The following CAMTA1 variants were observed in gnomAD, a reference collection of about 807,000 sequenced individuals.
CAMTA1 encodes the protein calmodulin binding transcription activator 1.
A neutral mutation model predicts 170.9 loss-of-function variants in CAMTA1; 27 were observed. The observed-to-expected ratio is 0.16, with a 90% CI of 0.12 to 0.22. The LOEUF (loss-of-function observed/expected upper bound fraction) is 0.22, where lower values mean the gene tolerates loss of function less well. Ranked by LOEUF, CAMTA1 falls within the 10% of genes least tolerant of loss-of-function variation. The pLI, the probability that CAMTA1 is intolerant of heterozygous loss-of-function variation, is 1.00. For synonymous variants in CAMTA1, 833 were observed against 891.5 expected (o/e 0.93, Z 1.17); for missense variants, 1,619 against 2,217.2 (o/e 0.73, Z 5.42).
At chr1:7,070,942 A>G (rs2147918187) in intron 3 of CAMTA1, among the ~76,000 whole-genome samples, 1 of 152,292 alleles carries the variant, frequency 6.6e-6, no homozygotes, top group East Asian at 1.9e-4. Flanking sequence ...AGAGGCGCTG[A>G]CTTGGTGTGT....
At chr1:7,638,498 G>A (rs1020847721) in intron 6 of CAMTA1, among the ~76,000 whole-genome samples, 13 of 152,044 alleles carry the variant, frequency 8.6e-5, no homozygotes, top group East Asian at 1.9e-4. Flanking sequence ...AAAATTAGCC[G>A]GGCTGTGGTG....
intron 1 of CAMTA1, among the ~76,000 whole-genome samples, chr1:6,802,571 A>C (rs1403290196): frequency 6.6e-6 from 1 of 152,182 alleles, no homozygotes; most frequent in African/African-American, 2.4e-5. Context: ...ATTGACTCCT[A>C]AAGGAGTGTC....
chr1:7,138,597 T>C (rs1012076955), intron 4 of CAMTA1, among the ~76,000 whole-genome samples: 44 of 152,266 alleles, frequency 2.9e-4, no homozygotes, highest in African/African-American at 1.1e-3. Context: ...GATGATGTTG[T>C]GGGCATCATT....
At chr1:7,129,622 T>A (rs1645131717) in intron 4 of CAMTA1, among the ~76,000 whole-genome samples, 1 of 151,170 alleles carries the variant, frequency 6.6e-6, no homozygotes, top group Non-Finnish European at 1.5e-5. Flanking sequence ...AGTGCTTAAT[T>A]TGTTCATTTA....
At position 6,825,186 on chromosome 1, in the gene CAMTA1, G is replaced by C; in HGVS notation, c.210G>C (p.Glu70Asp). 6.2e-7 allele frequency: 1 copy of C among 1,607,496 alleles called. No homozygotes were observed. The highest frequency in any genetic ancestry group is 8.5e-7 in the Non-Finnish European group (1 of 1,176,916). The change falls in exon 3 of 23, where the codon GAG (glutamate) becomes GAC (aspartate). Residue 70 changes from glutamate to aspartate, a missense_variant. Physicochemically the swap from Glu to Asp is conservative, Grantham distance 45 (BLOSUM62 2). Around this residue, in one of 8 missense-constraint regions of CAMTA1, gnomAD observed 97 missense variants for 225.4 expected, o/e 0.43. Transcript: ENST00000303635. Reference protein sequence around the residue: ...CLPKCSSLPKERHRWNTNEEI... With the variant: ...CLPKCSSLPKDRHRWNTNEEI... ...CGAAATGTTCAAGTTTACCAAAAGA[G>C]AGGCACCGCTGGAACACTAATGAGG...
chr1:6,935,500 C>T lies in CAMTA1; in HGVS notation c.234+110290C>T, dbSNP rs1276131856. ...GTTGGCACACACTTTATTTTAAAGTCAATGTGCTTATCTGGAGAGAAGGCT... is the reference window on the plus strand; with the variant it reads ...GTTGGCACACACTTTATTTTAAAGTTAATGTGCTTATCTGGAGAGAAGGCT... On this transcript the variant is annotated intron_variant, in intron 3 of 22. Transcript: ENST00000303635. 2.6e-5 allele frequency among the ~76,000 whole-genome samples: 4 copies of T among 152,106 alleles called. No individual in the cohort carries two copies. The East Asian group carries it at 7.7e-4, about 29-fold the overall frequency.
chr1:6,834,484 C>T (rs551570934), intron 3 of CAMTA1: 8 of 249,280 alleles, frequency 3.2e-5, no homozygotes, highest in East Asian at 2.1e-4. Flanking sequence ...TCCAGTTATA[C>T]GTCCTCCTGC....
At chr1:7,501,799 A>G (rs1406379407) in intron 6 of CAMTA1, among the ~76,000 whole-genome samples, 1 of 152,018 alleles carries the variant, frequency 6.6e-6, no homozygotes, top group Non-Finnish European at 1.5e-5. Context: ...CACTCCTACT[A>G]AAGCAATAGA....
intron 6 of CAMTA1, among the ~76,000 whole-genome samples, chr1:7,556,349 G>A (rs373170131): frequency 8.5e-5 from 13 of 152,134 alleles, no homozygotes; most frequent in Admixed American, 7.9e-4. Context: ...CCAGCCCTAG[G>A]GGGGCAGTCC....
rs1291583553 is a variant in CAMTA1, at chr1:7,592,083, G to C, written c.511-48317G>C. Among the ~76,000 whole-genome samples, 1 of 152,036 alleles carries C rather than the reference G, an allele frequency of 6.6e-6. No homozygotes were observed. Among genetic ancestry groups the C allele is most frequent in the African/African-American group, 2.4e-5 (1 of 41,408 alleles). ...CTAGCTAATTTTTATATTTTTAGTAGAGATGGGGTTTCATCATGTTGGCCA... is the reference window on the plus strand; with the variant it reads ...CTAGCTAATTTTTATATTTTTAGTACAGATGGGGTTTCATCATGTTGGCCA... On this transcript the variant is annotated intron_variant, in intron 6 of 22. Coordinates refer to ENST00000303635, the MANE Select transcript of CAMTA1 (RefSeq NM_015215.4). The surrounding 1 kb of genome is among the most constrained non-coding windows in gnomAD (Gnocchi z 4.6).
In CAMTA1 at chr1:7,561,120, A is replaced by G. The variant is rs2094951127; in HGVS notation, c.511-79280A>G. Reference sequence around the variant, plus strand: ...TGCTGTCCTTTCTGAACAACGCCCAAGAATCCAGGCATGGCCAGGGGCTGG... The same window carrying G: ...TGCTGTCCTTTCTGAACAACGCCCAGGAATCCAGGCATGGCCAGGGGCTGG... On this transcript the variant is annotated intron_variant, in intron 6 of 22. Coordinates refer to ENST00000303635, the MANE Select transcript of CAMTA1 (RefSeq NM_015215.4). The surrounding 1 kb of genome is among the most constrained non-coding windows in gnomAD (Gnocchi z 5.3). Among the ~76,000 whole-genome samples, 1 of 152,114 alleles carries G rather than the reference A, an allele frequency of 6.6e-6. No homozygotes were observed. The highest frequency in any genetic ancestry group is 1.5e-5 in the Non-Finnish European group (1 of 67,998).
chr1:7,449,699 G>A (rs2092768864), intron 5 of CAMTA1, among the ~76,000 whole-genome samples: 1 of 150,448 alleles, frequency 6.6e-6, no homozygotes, highest in Non-Finnish European at 1.5e-5. Context: ...GAACCTGGGA[G>A]GTGGAGGTTG....
At chr1:7,381,299 C>T (rs1179623726) in intron 5 of CAMTA1, among the ~76,000 whole-genome samples, 1 of 130,494 alleles carries the variant, frequency 7.7e-6, no homozygotes, top group Non-Finnish European at 1.6e-5. Flanking sequence ...TGCTATCCCT[C>T]CCCCCTCCCC....
chr1:7,647,169 C>G (rs2095812878), intron 7 of CAMTA1, among the ~76,000 whole-genome samples: 1 of 152,172 alleles, frequency 6.6e-6, no homozygotes, highest in Non-Finnish European at 1.5e-5. Flanking sequence ...CAGCCTCCCT[C>G]CCTCTGTTCC....
At chr1:7,508,694 A>T (rs1257128418) in intron 6 of CAMTA1, among the ~76,000 whole-genome samples, 1 of 151,528 alleles carries the variant, frequency 6.6e-6, no homozygotes, top group Non-Finnish European at 1.5e-5. Flanking sequence ...AGAGATGAAG[A>T]ATGGAAGGAG....
At chr1:7,417,948 TA>T (rs1230320465) in intron 5 of CAMTA1, among the ~76,000 whole-genome samples, 3 of 152,160 alleles carry the variant, frequency 2.0e-5, no homozygotes, top group Non-Finnish European at 4.4e-5. Context: ...GCCATGATTT[TA>T]AAAAGCAAGT....
chr1:7,077,754 G>A (rs376009193), intron 3 of CAMTA1, among the ~76,000 whole-genome samples: 5 of 152,098 alleles, frequency 3.3e-5, no homozygotes, highest in African/African-American at 1.2e-4. Flanking sequence ...GAGTTAGGTG[G>A]CTCTGCTGTA....
Position 7,732,510 on chromosome 1 carries a change from A to G in CAMTA1, c.2977A>G (p.Met993Val), listed in dbSNP as rs2096741355. The change falls in exon 12 of 23, where the codon ATG becomes GTG. Residue 993 changes from methionine (M) to valine (V), a missense_variant. Coordinates refer to ENST00000303635, the MANE Select transcript of CAMTA1 (RefSeq NM_015215.4). The surrounding 1 kb of genome is among the most constrained non-coding windows in gnomAD (Gnocchi z 4.1). ...GCAGATGGAGAGGAGGATGGCCGAG[A>G]TGACGGGGTCCCAGCAGCACAAACA... is the stretch of plus-strand genomic sequence containing the variant. ...LEQMERRMAE[M>V]TGSQQHKQAS... 6.2e-7 allele frequency: 1 copy of G among 1,613,978 alleles called. No individual in the cohort carries two copies. Among genetic ancestry groups the G allele is most frequent in the Non-Finnish European group, 8.5e-7 (1 of 1,180,022 alleles).
chr1:7,005,070 C>T (rs1698786634), intron 3 of CAMTA1, among the ~76,000 whole-genome samples: 1 of 152,234 alleles, frequency 6.6e-6, no homozygotes, highest in African/African-American at 2.4e-5. Context: ...CCATGTCCGG[C>T]CTCAAAGTTT....
Sources: gnomAD v4.1 joint callset for allele counts (sites outside exome capture counted in the v4.1 genomes callset) on GRCh38, gnomAD v4.1.1 for gene constraint, gnomAD v4.1.1 regional missense constraint, Gnocchi (gnomAD v3.1) non-coding constraint, MANE v1.5 for transcripts, NCBI Gene and HGNC (gene_info 2026-07-23, HGNC 2026-07-21) for gene names.